FRMPD4: variants seen among roughly 807,000 people sequenced by gnomAD.
FRMPD4 encodes the protein FERM and PDZ domain containing 4.
A neutral mutation model predicts 94.1 loss-of-function variants in FRMPD4; 22 were observed. That is an observed-to-expected ratio of 0.23 (90% CI 0.17 to 0.33). The LOEUF (loss-of-function observed/expected upper bound fraction) is 0.33, where lower values mean the gene tolerates loss of function less well. Among genes scored for constraint, FRMPD4 ranks in the 10% least tolerant of loss-of-function variants. The pLI, the probability that FRMPD4 is intolerant of heterozygous loss-of-function variation, is 1.00. For synonymous variants in FRMPD4, 631 were observed against 548.6 expected, an observed-to-expected ratio of 1.15 and a Z score of -2.10; for missense variants, 1,111 against 1,339.9, an observed-to-expected ratio of 0.83 and a Z score of 2.67.
intron 2 of FRMPD4, among the ~76,000 whole-genome samples, chrX:12,544,562 C>T (rs2058454656): frequency 8.9e-6 from 1 of 111,967 alleles, no homozygotes; most frequent in Non-Finnish European, 1.9e-5. Flanking sequence ...AAGGCAATCT[C>T]AGTTACTGAG....
At chrX:12,167,716 A>G (rs1415804549) in intron 1 of FRMPD4, among the ~76,000 whole-genome samples, 1 of 112,147 alleles carries the variant, frequency 8.9e-6, no homozygotes, top group African/African-American at 3.2e-5. Flanking sequence ...GGAAGACGAT[A>G]TAATGGACTT....
In FRMPD4 at chrX:11,833,083, T is replaced by C. The variant is rs190307996; in HGVS notation, c.-161+10368T>C. 2.7e-5 allele frequency among the ~76,000 whole-genome samples: 3 copies of C among 112,444 alleles called. No homozygotes were observed. In the East Asian group the frequency reaches 8.4e-4, roughly 31 times the overall value. On this transcript the variant is annotated intron_variant, in intron 1 of 18. Coordinates refer to the FRMPD4 transcript ENST00000640291. ...TTAACAGAATGTCATATAGTTAGAA[T>C]AATACAGTATGTAGACTTTTCAGAT... is the stretch of plus-strand genomic sequence containing the variant.
chrX:12,058,002 A>G (rs1218086064), intron 3 of FRMPD4, among the ~76,000 whole-genome samples: 1 of 111,209 alleles, frequency 9.0e-6, no homozygotes, highest in African/African-American at 3.3e-5. Flanking sequence ...TGTTATGCAC[A>G]CTAATTTACT....
At chrX:12,158,098 C>T (rs1450304472) in intron 1 of FRMPD4, among the ~76,000 whole-genome samples, 1 of 111,800 alleles carries the variant, frequency 8.9e-6, no homozygotes, top group Non-Finnish European at 1.9e-5. Context: ...CCAAAAATTC[C>T]CTTTCCTCCC....
chrX:12,627,006 T>C (rs931390847), intron 4 of FRMPD4, among the ~76,000 whole-genome samples: 3 of 111,871 alleles, frequency 2.7e-5, no homozygotes, highest in Admixed American at 1.9e-4. Context: ...CCGGGCATGG[T>C]GGCTCACGCC....
At chrX:12,008,145 TAGTG>T (rs1220847991) in intron 3 of FRMPD4, among the ~76,000 whole-genome samples, 2 of 112,309 alleles carry the variant, frequency 1.8e-5, no homozygotes, top group African/African-American at 6.5e-5. Context: ...CTTGCTGACA[TAGTG>T]AGGCTTTGTG....
chrX:11,867,235 C>T (rs1222434437), intron 2 of FRMPD4, among the ~76,000 whole-genome samples: 1 of 110,964 alleles, frequency 9.0e-6, no homozygotes, highest in Non-Finnish European at 1.9e-5. Context: ...TTGTATTTAC[C>T]CAAAACCTAT....
chrX:12,714,671 A>G lies in FRMPD4; in HGVS notation c.1610-1398A>G, dbSNP rs984860233. On this transcript the variant is annotated intron_variant, in intron 14 of 16. Coordinates refer to ENST00000675598, the MANE Select transcript of FRMPD4 (RefSeq NM_001368397.1). ...ATTTACTATCTGGGCCTCCCTTTAC[A>G]GAAAATGTTTGCCAAGCCCTAAACC... Among the ~76,000 whole-genome samples the G allele has an allele frequency of 1.1e-4, 12 of 111,329 alleles. No homozygotes were observed. In the Admixed American group the frequency reaches 1.1e-3, roughly 11 times the overall value.
At position 12,479,445 on chromosome X, in the gene FRMPD4, T is replaced by TATACATATATAC. The variant is rs1172598483; in HGVS notation, c.42-19235_42-19234insATACATATATAC. 8.1e-3 allele frequency among the ~76,000 whole-genome samples: 440 copies of TATACATATATAC among 54,093 alleles called. 11 individuals carry two copies. The highest frequency in any genetic ancestry group is 0.023 in the African/African-American group (411 of 17,577). 47.0% of individuals were successfully genotyped at this position (54,093 alleles called of 115,157 possible). ...ATACGTATATATATACACACATATA[T>TATACATATATAC]GTATATATATGTATATATGTATATA... On this transcript the variant is annotated intron_variant, in intron 1 of 16. Coordinates refer to ENST00000675598, the MANE Select transcript of FRMPD4 (RefSeq NM_001368397.1).
In FRMPD4 at chrX:11,830,424, G is replaced by A. The variant is rs190663191; in HGVS notation, c.-161+7709G>A. ...ATTTCATGATTTTTTTTCAAATGGC[G>A]ACACATGCACATTGGCATTCATTTC... On this transcript the variant is annotated intron_variant, in intron 1 of 18. Transcript: ENST00000640291. 8.9e-3 allele frequency among the ~76,000 whole-genome samples: 978 copies of A among 109,982 alleles called. 2 individuals carry two copies. Among genetic ancestry groups the A allele is most frequent in the Middle Eastern group, 0.019 (4 of 216 alleles).
At chrX:11,853,635 G>A (rs1447860926) in intron 1 of FRMPD4, among the ~76,000 whole-genome samples, 3 of 110,962 alleles carry the variant, frequency 2.7e-5, no homozygotes, top group African/African-American at 9.8e-5. Context: ...TAGAAAAAAT[G>A]GACACATACC....
intron 3 of FRMPD4, among the ~76,000 whole-genome samples, chrX:12,032,975 T>C (rs6639131): frequency 1.8e-5 from 2 of 111,262 alleles, no homozygotes; most frequent in Admixed American, 9.5e-5. Flanking sequence ...GTTGCTGAAA[T>C]TGGGAAAGAG....
chrX:12,043,198 C>T (rs1203165049), intron 3 of FRMPD4, among the ~76,000 whole-genome samples: 2 of 111,671 alleles, frequency 1.8e-5, no homozygotes, highest in African/African-American at 6.5e-5. Context: ...AAAATCTTCA[C>T]TCTGTCATAC....
rs55742933 is a variant in FRMPD4, at chrX:12,379,642, CGTGTGTGTGTGTGT to C, written c.42-119009_42-118996del. On this transcript the variant is annotated intron_variant, in intron 1 of 16. Transcript: ENST00000675598. ...AATATACATTTTATTGATATGCTGC[CGTGTGTGTGTGTGT>C]GTGTGTGTGTGTGTGTGTGTGTGTG... 4.3e-4 allele frequency among the ~76,000 whole-genome samples: 39 copies of C among 89,977 alleles called. No individual in the cohort carries two copies. The South Asian group carries it at 0.012, about 27-fold the overall frequency. 78.1% of individuals were successfully genotyped at this position (89,977 alleles called of 115,157 possible). A position where few individuals can be genotyped will look rare whatever the true frequency, so the allele number is the denominator to read the frequency against.
intron 1 of FRMPD4, among the ~76,000 whole-genome samples, chrX:12,466,169 A>G (rs894967283): frequency 6.2e-5 from 7 of 112,209 alleles, no homozygotes; most frequent in African/African-American, 2.3e-4. Context: ...GTGTATTTCC[A>G]GCCTGAGTAA....
intron 1 of FRMPD4, among the ~76,000 whole-genome samples, chrX:12,332,607 T>C (rs1406960796): frequency 1.8e-5 from 2 of 111,635 alleles, no homozygotes; most frequent in Non-Finnish European, 3.8e-5. Flanking sequence ...AGGAATCAGG[T>C]AGATAAATTG....
intron 1 of FRMPD4, among the ~76,000 whole-genome samples, chrX:12,428,852 T>A (rs1227091829): frequency 9.0e-6 from 1 of 111,568 alleles, no homozygotes; most frequent in Non-Finnish European, 1.9e-5. Flanking sequence ...AATTTGTAGT[T>A]CTTCCCCCAA....
In FRMPD4 at chrX:12,316,767, C is replaced by CT. The variant is rs770337145; in HGVS notation, c.41+177768dup. Among the ~76,000 whole-genome samples, 993 of 100,107 alleles carry CT rather than the reference C, an allele frequency of 9.9e-3. 13 individuals carry two copies. Among genetic ancestry groups the CT allele is most frequent in the African/African-American group, 0.032 (885 of 27,791 alleles). The allele number at this position is 100,107 out of a possible 115,157, so 86.9% of individuals were successfully genotyped here. ...CAAAACAAAACCCAGAGTTGTTTTA[C>CT]TTTTTTTTTTTTTAAAGCTCAGAGT... On this transcript the variant is annotated intron_variant, in intron 1 of 16. Coordinates refer to ENST00000675598, the MANE Select transcript of FRMPD4 (RefSeq NM_001368397.1).
Position 12,152,157 on chromosome X carries a change from GTCT to G in FRMPD4, c.41+13150_41+13152del, listed in dbSNP as rs1175190921. ...GTGGATTTGAGCAAGTTGGGCCTCT[GTCT>G]TCTTATTTGTAAAATAGGAAAATTA... On this transcript the variant is annotated intron_variant, in intron 1 of 16. Transcript: ENST00000675598. 3.6e-5 allele frequency among the ~76,000 whole-genome samples: 4 copies of G among 111,592 alleles called. No individual in the cohort carries two copies. The Admixed American group carries it at 3.8e-4, about 11-fold the overall frequency.
Sources: gnomAD v4.1 joint callset for allele counts (sites outside exome capture counted in the v4.1 genomes callset) on GRCh38, gnomAD v4.1.1 for gene constraint, MANE v1.5 for transcripts, NCBI Gene and HGNC (gene_info 2026-07-23, HGNC 2026-07-21) for gene names.